The following FGF14 variants were observed in gnomAD, a reference collection of about 807,000 sequenced individuals.
The protein encoded by FGF14 is fibroblast growth factor 14, also known as fibroblast growth factor homologous factor 4.
A neutral mutation model predicts 25.5 loss-of-function variants in FGF14; 5 were observed. The ratio of observed to expected loss-of-function variants is 0.20; its 90% confidence interval spans 0.10 to 0.41. The LOEUF (loss-of-function observed/expected upper bound fraction) is 0.41. FGF14 is among the 10% of genes least tolerant of loss of function. The pLI is 1.00. For missense variants in FGF14, 222 were observed against 320.1 expected (o/e 0.69, Z 2.34); for synonymous variants, 138 against 118.3 (o/e 1.17, Z -1.08).
chr13:102,245,068 T>A (rs2051796148), intron 1 of FGF14, among the ~76,000 whole-genome samples: 1 of 152,140 alleles, frequency 6.6e-6, no homozygotes, highest in African/African-American at 2.4e-5. Context: ...TTATCACATC[T>A]TCTTTTCAGA....
intron 1 of FGF14, among the ~76,000 whole-genome samples, chr13:102,196,226 A>G (rs1172074644): frequency 6.6e-6 from 1 of 152,252 alleles, no homozygotes; most frequent in Non-Finnish European, 1.5e-5. Flanking sequence ...ACTGGTTCCA[A>G]TTTTAATTTG....
chr13:102,134,117 A>G (rs774722430), intron 1 of FGF14, among the ~76,000 whole-genome samples: 2 of 152,196 alleles, frequency 1.3e-5, no homozygotes, highest in Non-Finnish European at 2.9e-5. Flanking sequence ...GAACAGACAA[A>G]TAAGTTATAG....
chr13:101,898,753 C>T (rs2031100854), intron 1 of FGF14, among the ~76,000 whole-genome samples: 4 of 152,090 alleles, frequency 2.6e-5, no homozygotes, highest in South Asian at 4.2e-4. Flanking sequence ...AACACTCCTA[C>T]CATATGTGAA....
intron 1 of FGF14, among the ~76,000 whole-genome samples, chr13:102,385,551 T>C (rs2058282843): frequency 1.3e-5 from 2 of 152,222 alleles, no homozygotes; most frequent in Admixed American, 1.3e-4. Context: ...CAACAAAAGC[T>C]ACTTGAAAGC....
intron 3 of FGF14, among the ~76,000 whole-genome samples, chr13:101,747,698 A>G (rs2036978526): frequency 6.6e-6 from 1 of 152,112 alleles, no homozygotes; most frequent in Non-Finnish European, 1.5e-5. Context: ...AACCTGTACA[A>G]TGGCAGAAAA....
At chr13:101,977,172 C>G (rs770971309) in intron 1 of FGF14, among the ~76,000 whole-genome samples, 29 of 148,950 alleles carry the variant, frequency 1.9e-4, no homozygotes, top group Non-Finnish European at 2.2e-4. Flanking sequence ...ATTAACAACA[C>G]CCATGAGGAT....
At chr13:101,797,385 A>T (rs1338773569) in intron 3 of FGF14, among the ~76,000 whole-genome samples, 1 of 152,096 alleles carries the variant, frequency 6.6e-6, no homozygotes, top group African/African-American at 2.4e-5. Flanking sequence ...TGTCACATGT[A>T]ATTGTGCGTC....
chr13:101,893,349 C>T (rs771399703), intron 1 of FGF14, among the ~76,000 whole-genome samples: 2 of 152,148 alleles, frequency 1.3e-5, no homozygotes, highest in Non-Finnish European at 2.9e-5. Flanking sequence ...CCAAGTGCTG[C>T]TATGGCATTA....
At chr13:102,278,419 A>G (rs1392746063) in intron 1 of FGF14, among the ~76,000 whole-genome samples, 1 of 152,192 alleles carries the variant, frequency 6.6e-6, no homozygotes, top group Non-Finnish European at 1.5e-5. Context: ...GACATCAGCC[A>G]TAGCCATTCC....
chr13:102,151,120 T>G (rs2047064228), intron 1 of FGF14, among the ~76,000 whole-genome samples: 1 of 152,224 alleles, frequency 6.6e-6, no homozygotes, highest in Admixed American at 6.5e-5. Context: ...GAAGAAATGC[T>G]ATTGGAAAAC....
chr13:101,723,156 T>G (rs2035112066), intron 4 of FGF14, 189 bp from the exon 5 acceptor site: 1 of 680,722 alleles, frequency 1.5e-6, no homozygotes, highest in African/African-American at 1.8e-5. Context: ...ATTACTCCCT[T>G]CACATTCTCT....
chr13:102,071,465 CT>C (rs2043150884), intron 1 of FGF14, among the ~76,000 whole-genome samples: 2 of 152,078 alleles, frequency 1.3e-5, no homozygotes, highest in African/African-American at 4.8e-5. Flanking sequence ...TGTTCTCCCC[CT>C]GTTTACTATT....
At chr13:101,725,392 C>A (rs1251022289) in intron 4 of FGF14, among the ~76,000 whole-genome samples, 1 of 151,928 alleles carries the variant, frequency 6.6e-6, no homozygotes, top group Non-Finnish European at 1.5e-5. Context: ...AATAATCTGT[C>A]TTTTCCTGTA....
At chr13:102,059,828 G>A (rs2042597522) in intron 1 of FGF14, among the ~76,000 whole-genome samples, 1 of 151,398 alleles carries the variant, frequency 6.6e-6, no homozygotes. Flanking sequence ...TCCAGCCTGG[G>A]TGACAGAGCG....
chr13:102,234,916 G>A (rs897247283), intron 1 of FGF14, among the ~76,000 whole-genome samples: 10 of 152,134 alleles, frequency 6.6e-5, no homozygotes, highest in Non-Finnish European at 1.5e-4. Context: ...CACTGTTTGG[G>A]TAGGAGAAGT....
intron 1 of FGF14, among the ~76,000 whole-genome samples, chr13:102,200,812 T>C (rs2049585540): frequency 6.6e-6 from 1 of 151,896 alleles, no homozygotes; most frequent in Admixed American, 6.6e-5. Context: ...TGGGCAGATA[T>C]AAACAACAGC....
At chr13:101,978,274 T>C (rs2038047450) in intron 1 of FGF14, among the ~76,000 whole-genome samples, 2 of 152,202 alleles carry the variant, frequency 1.3e-5, no homozygotes, top group South Asian at 4.1e-4. Context: ...TCCACTTATC[T>C]ATAATATGTG....
At chr13:102,138,078 T>C (rs1236741484) in intron 1 of FGF14, among the ~76,000 whole-genome samples, 1 of 151,350 alleles carries the variant, frequency 6.6e-6, no homozygotes, top group Non-Finnish European at 1.5e-5. Flanking sequence ...GCCCACCTCC[T>C]GTGTCACCAT....
intron 1 of FGF14, among the ~76,000 whole-genome samples, chr13:101,913,961 A>G (rs1414145163): frequency 1.3e-5 from 2 of 152,148 alleles, no homozygotes; most frequent in Non-Finnish European, 2.9e-5. Context: ...CAACTCTTCT[A>G]TTCACTGCTG....
Sources: allele counts gnomAD v4.1 joint callset (sites outside exome capture counted in the v4.1 genomes callset), GRCh38; gene constraint gnomAD v4.1.1; transcripts MANE v1.5; gene names NCBI Gene and HGNC (gene_info 2026-07-23, HGNC 2026-07-21).